Variants in ZNF525 observed in about 807,000 individuals in gnomAD.
ZNF525 encodes the protein zinc finger protein 525.
Under a neutral mutation model 37.6 loss-of-function variants are expected in ZNF525, and 33 were observed. The observed-to-expected ratio is 0.88, with a 90% CI of 0.67 to 1.17. ZNF525 has a LOEUF of 1.17. Among genes scored for constraint, ZNF525 ranks in the 50% most tolerant of loss-of-function variants. The pLI, the probability that ZNF525 is intolerant of heterozygous loss-of-function variation, is 0.00. For missense variants in ZNF525, 449 were observed against 543.1 expected, an observed-to-expected ratio of 0.83 and a Z score of 1.72; for synonymous variants, 170 against 182.3, an observed-to-expected ratio of 0.93 and a Z score of 0.54.
Position 53,382,743 on chromosome 19 carries a change from A to G in ZNF525, c.*724A>G. On this transcript the variant is annotated 3_prime_UTR_variant, in exon 4 of 4. Coordinates refer to ENST00000474037, the MANE Select transcript of ZNF525 (RefSeq NM_001348156.2). ...AAAGAGAGACCTTACAAGTGTGATA[A>G]ATGTGACAAATTTTTCAGACATCGT... 1 of 848,758 alleles carries G rather than the reference A, an allele frequency of 1.2e-6. No individual in the cohort carries two copies. The allele number at this position is 848,758 out of a possible 1,614,324, so 52.6% of individuals were successfully genotyped here. A position where few individuals can be genotyped will look rare whatever the true frequency, so the allele number is the denominator to read the frequency against.
intron 1 of ZNF525, among the ~76,000 whole-genome samples, chr19:53,370,043 G>A (rs968014330): frequency 2.0e-5 from 3 of 151,452 alleles, no homozygotes; most frequent in Non-Finnish European, 4.4e-5. Context: ...CTTTAGCCCA[G>A]ATATGTGAAA....
intron 2 of ZNF525, among the ~76,000 whole-genome samples, chr19:53,373,122 T>C (rs1343599414): frequency 1.3e-5 from 2 of 152,114 alleles, no homozygotes; most frequent in Non-Finnish European, 2.9e-5. Flanking sequence ...ATAAGAAGTC[T>C]TTCTCTGTCA....
At chr19:53,375,584 CA>C (rs894503157) in intron 2 of ZNF525, among the ~76,000 whole-genome samples, 185 bp from the exon 3 acceptor site, 4 of 150,964 alleles carry the variant, frequency 2.6e-5, no homozygotes, top group Admixed American at 1.3e-4. Context: ...GACTCTGTCT[CA>C]AAAAAAATAA....
intron 3 of ZNF525, among the ~76,000 whole-genome samples, chr19:53,376,758 G>A (rs1056207342): frequency 6.6e-6 from 1 of 152,076 alleles, no homozygotes; most frequent in Non-Finnish European, 1.5e-5. Context: ...ATCACCTGAG[G>A]TCAGGAGTTC....
intron 3 of ZNF525, among the ~76,000 whole-genome samples, chr19:53,380,376 G>A (rs753790426): frequency 3.9e-5 from 6 of 152,042 alleles, no homozygotes; most frequent in Non-Finnish European, 8.8e-5. Context: ...ATATTATATT[G>A]TGTGGTCCTT....
At chr19:53,369,749 C>T (rs1381423537) in intron 1 of ZNF525, among the ~76,000 whole-genome samples, 6 of 88,586 alleles carry the variant, frequency 6.8e-5, no homozygotes, top group South Asian at 3.9e-4. Context: ...TTTTTTGAGA[C>T]GGAGTCTCGC....
chr19:53,375,687 T>C (rs1191856045), intron 2 of ZNF525, 83 bp from the exon 3 acceptor site: 4 of 1,612,548 alleles, frequency 2.5e-6, no homozygotes, highest in East Asian at 4.5e-5. Context: ...AAATCCATGC[T>C]TTCCCCTCTC....
At position 53,385,191 on chromosome 19, in the gene ZNF525, A is replaced by G; in HGVS notation, c.*3172A>G. 2.0e-6 allele frequency: 1 copy of G among 501,544 alleles called. No individual in the cohort carries two copies. The highest frequency in any genetic ancestry group is 2.0e-5 in the African/African-American group (1 of 50,366). The allele number at this position is 501,544 out of a possible 1,614,324, so 31.1% of individuals were successfully genotyped here. A position where few individuals can be genotyped will look rare whatever the true frequency, so the allele number is the denominator to read the frequency against. On this transcript the variant is annotated 3_prime_UTR_variant, in exon 4 of 4. Coordinates refer to ENST00000474037, the MANE Select transcript of ZNF525 (RefSeq NM_001348156.2). ...TTTCTAGGACAAGGGATCTTCAAGA[A>G]GTTCTGGAAAAATACATATTATGAG...
In ZNF525 at chr19:53,383,101, A is replaced by C; in HGVS notation, c.*1082A>C. On this transcript the variant is annotated 3_prime_UTR_variant, in exon 4 of 4. Transcript: ENST00000474037. ...ATAAATGTGGCGAGGTTTTTAATCA[A>C]CAAGCACACCTTGCACGTCATCATA... 7.4e-7 allele frequency: 1 copy of C among 1,352,096 alleles called. No homozygotes were observed. Among genetic ancestry groups the C allele is most frequent in the Non-Finnish European group, 1.0e-6 (1 of 958,372 alleles). The allele number at this position is 1,352,096 out of a possible 1,614,324, so 83.8% of individuals were successfully genotyped here. A position where few individuals can be genotyped will look rare whatever the true frequency, so the allele number is the denominator to read the frequency against.
At chr19:53,367,502 T>C (rs2085456934) in intron 1 of ZNF525, among the ~76,000 whole-genome samples, 1 of 152,196 alleles carries the variant, frequency 6.6e-6, no homozygotes, top group Non-Finnish European at 1.5e-5. Flanking sequence ...GCTTCTATAG[T>C]TGATTAAATG....
chr19:53,386,385 A>G lies in ZNF525; in HGVS notation c.*4366A>G, dbSNP rs1219673229. On this transcript the variant is annotated 3_prime_UTR_variant, in exon 4 of 4. Coordinates refer to ENST00000474037, the MANE Select transcript of ZNF525 (RefSeq NM_001348156.2). Reference sequence around the variant, plus strand: ...ATTGGAGAAGAACCAAGCTGGGTCTATAAGGAATTGCATGTGAGATGGCAC... The same window carrying G: ...ATTGGAGAAGAACCAAGCTGGGTCTGTAAGGAATTGCATGTGAGATGGCAC... The G allele has an allele frequency of 3.5e-6, 3 of 865,992 alleles. No individual in the cohort carries two copies. The highest frequency in any genetic ancestry group is 5.7e-6 in the Non-Finnish European group (3 of 526,200). The allele number at this position is 865,992 out of a possible 1,614,324, so 53.6% of individuals were successfully genotyped here.
At chr19:53,372,114 C>T (rs764082880) in intron 1 of ZNF525, 101 bp from the exon 2 acceptor site, 26 of 499,562 alleles carry the variant, frequency 5.2e-5, no homozygotes, top group Non-Finnish European at 8.6e-5. Flanking sequence ...GTAGAGGGGA[C>T]TGTATTTCAT....
At chr19:53,376,741 T>C (rs1600020485) in intron 3 of ZNF525, among the ~76,000 whole-genome samples, 1 of 152,048 alleles carries the variant, frequency 6.6e-6, no homozygotes, top group Middle Eastern at 3.4e-3. Context: ...AGGCCGGGGG[T>C]GGGCAAATCA....
At position 53,383,421 on chromosome 19, in the gene ZNF525, G is replaced by A. The variant is rs369013061; in HGVS notation, c.*1402G>A. ...TTAGAAATGTGAAGAATGTGACAAA[G>A]TTTACAGTCGCAAATCAAACCTCGA... On this transcript the variant is annotated 3_prime_UTR_variant, in exon 4 of 4. Transcript: ENST00000474037. 2.8e-6 allele frequency: 3 copies of A among 1,057,470 alleles called. No individual in the cohort carries two copies. 65.5% of individuals were successfully genotyped at this position (1,057,470 alleles called of 1,614,324 possible).
chr19:53,373,367 T>C (rs2085500981), intron 2 of ZNF525, among the ~76,000 whole-genome samples: 1 of 152,196 alleles, frequency 6.6e-6, no homozygotes, highest in African/African-American at 2.4e-5. Flanking sequence ...GTGCTGAGAT[T>C]ACAGGCATGA....
intron 1 of ZNF525, among the ~76,000 whole-genome samples, chr19:53,370,100 TC>T (rs773207300): frequency 5.0e-4 from 76 of 151,140 alleles, no homozygotes; most frequent in Admixed American, 9.9e-4. Flanking sequence ...GACCAACACT[TC>T]CATTAGCTCT....
At position 53,375,639 on chromosome 19, in the gene ZNF525, A is replaced by C. The variant is rs2085516102; in HGVS notation, c.16-131A>C. The stretch of plus-strand genomic sequence containing the variant: ...CTGGGAAGACAAAATGCAGTGAAAA[A>C]CCCCTTACTCGGATTTGTCAGAACA... On this transcript the variant is annotated intron_variant, in intron 2 of 3. Coordinates refer to ENST00000474037, the MANE Select transcript of ZNF525 (RefSeq NM_001348156.2). The C allele has an allele frequency of 1.4e-5, 23 of 1,598,904 alleles. No individual in the cohort carries two copies. In the Middle Eastern group the frequency reaches 5.0e-4, roughly 35 times the overall value.
At chr19:53,367,094 T>C (rs1259407486) in intron 1 of ZNF525, among the ~76,000 whole-genome samples, 1 of 152,140 alleles carries the variant, frequency 6.6e-6, no homozygotes, top group Non-Finnish European at 1.5e-5. Context: ...TGTAGCTGCA[T>C]TGAAAGAAAA....
Position 53,375,935 on chromosome 19 carries a change from T to C in ZNF525, c.142+39T>C, listed in dbSNP as rs760408404. 1.9e-6 allele frequency: 3 copies of C among 1,611,850 alleles called. No homozygotes were observed. The African/African-American group carries it at 4.0e-5, about 22-fold the overall frequency. ...CCCTCCAGAAGTGGGGATGTGTCCT[T>C]TCGTATCTTTGTATTTTCTCTTTTT... is the stretch of plus-strand genomic sequence containing the variant. On this transcript the variant is annotated intron_variant, in intron 3 of 3. Coordinates refer to ENST00000474037, the MANE Select transcript of ZNF525 (RefSeq NM_001348156.2).
Sources: allele counts gnomAD v4.1 joint callset (sites outside exome capture counted in the v4.1 genomes callset), GRCh38; gene constraint gnomAD v4.1.1; transcripts MANE v1.5; gene names NCBI Gene and HGNC (gene_info 2026-07-23, HGNC 2026-07-21).